Variants in ANKFN1 observed in about 807,000 individuals in gnomAD.
ANKFN1 encodes the protein ankyrin repeat and fibronectin type-III domain-containing protein 1.
In ANKFN1, 74 loss-of-function variants were observed where a neutral mutation model predicts 108.7. The observed-to-expected ratio is 0.68, with a 90% CI of 0.56 to 0.83. The LOEUF is 0.83. ANKFN1 is among the 40% of genes least tolerant of loss of function. The pLI, the probability that ANKFN1 is intolerant of heterozygous loss-of-function variation, is 0.00. For missense variants in ANKFN1, 1,505 were observed against 1,382.3 expected, an observed-to-expected ratio of 1.09 and a Z score of -1.41; for synonymous variants, 547 against 516.2, an observed-to-expected ratio of 1.06 and a Z score of -0.81.
At chr17:56,292,103 T>A (rs1253088547) in intron 3 of ANKFN1, among the ~76,000 whole-genome samples, 2 of 152,226 alleles carry the variant, frequency 1.3e-5, no homozygotes, top group East Asian at 1.9e-4. Flanking sequence ...TGTCTGTTAC[T>A]AAGTAGTGGG....
intron 4 of ANKFN1, among the ~76,000 whole-genome samples, chr17:56,068,302 G>T (rs576274912): frequency 7.2e-4 from 109 of 152,266 alleles, no homozygotes; most frequent in Non-Finnish European, 1.5e-3. Context: ...ATTTACAAAG[G>T]TGTGGGCCGT....
chr17:56,490,871 C>G (rs2051014442), intron 18 of ANKFN1, among the ~76,000 whole-genome samples: 1 of 152,018 alleles, frequency 6.6e-6, no homozygotes, highest in Non-Finnish European at 1.5e-5. Context: ...TTCTTCTCTT[C>G]TACTTCCATG....
intron 1 of ANKFN1, among the ~76,000 whole-genome samples, chr17:56,180,515 A>C (rs573406908): frequency 1.3e-5 from 2 of 152,320 alleles, no homozygotes; most frequent in East Asian, 3.9e-4. Flanking sequence ...GACACTACTG[A>C]AAATCACCAG....
intron 4 of ANKFN1, among the ~76,000 whole-genome samples, chr17:56,130,296 C>T (rs1002036600): frequency 2.0e-5 from 3 of 152,042 alleles, no homozygotes; most frequent in Non-Finnish European, 4.4e-5. Context: ...CTAGTGGCTG[C>T]GATATTAAGT....
intron 3 of ANKFN1, among the ~76,000 whole-genome samples, chr17:56,248,462 G>C (rs1020986061): frequency 1.3e-5 from 2 of 152,150 alleles, no homozygotes; most frequent in African/African-American, 4.8e-5. Context: ...CCAGTTACTT[G>C]ACTATGTTCC....
intron 1 of ANKFN1, among the ~76,000 whole-genome samples, chr17:56,208,316 C>T (rs1360983914): frequency 1.3e-5 from 2 of 152,290 alleles, no homozygotes; most frequent in South Asian, 2.1e-4. Context: ...CCACCATACC[C>T]GGCCGTTAGA....
chr17:56,344,116 A>G (rs149232300), intron 4 of ANKFN1, among the ~76,000 whole-genome samples: 30 of 152,110 alleles, frequency 2.0e-4, no homozygotes, highest in African/African-American at 7.0e-4. Context: ...CGTATGGGAC[A>G]TAGTTTCTGT....
At chr17:56,353,627 C>G (rs1193356443) in intron 5 of ANKFN1, among the ~76,000 whole-genome samples, 2 of 152,166 alleles carry the variant, frequency 1.3e-5, no homozygotes, top group Non-Finnish European at 2.9e-5. Context: ...ATCCTGTATT[C>G]TCTCAGTGCA....
At chr17:56,360,843 A>G (rs2046497250) in intron 6 of ANKFN1, among the ~76,000 whole-genome samples, 1 of 152,222 alleles carries the variant, frequency 6.6e-6, no homozygotes, top group Non-Finnish European at 1.5e-5. Flanking sequence ...AAGGTATATA[A>G]TGTGATGACT....
intron 3 of ANKFN1, among the ~76,000 whole-genome samples, chr17:56,307,688 G>C (rs2044873715): frequency 6.6e-6 from 1 of 152,172 alleles, no homozygotes; most frequent in Non-Finnish European, 1.5e-5. Context: ...CGGGGATCTA[G>C]AACTAGAAAT....
rs369159789 is a variant in ANKFN1 at position 56,170,638 on chromosome 17, C to T, written c.-71+17108C>T. ...ATTAGCCATGCATGGTGGCGCGTGC[C>T]CATAGTCTCAGCCACTTGGGAGGCT... On this transcript the variant is annotated intron_variant, in intron 1 of 20. Transcript: ENST00000682825. Among the ~76,000 whole-genome samples, 85 of 150,922 alleles carry T rather than the reference C, an allele frequency of 5.6e-4. No individual in the cohort carries two copies. The South Asian group carries it at 6.8e-3, about 12-fold the overall frequency.
Position 56,254,380 on chromosome 17 carries a change from T to C in ANKFN1, c.53+26423T>C, listed in dbSNP as rs539833403. ...CACTGTGGTTTTATGCATTGAAAGT[T>C]ACAACAAAGCTGCCCTGTTGACATT... is the stretch of plus-strand genomic sequence containing the variant. On this transcript the variant is annotated intron_variant, in intron 3 of 20. Coordinates refer to ENST00000682825, the MANE Select transcript of ANKFN1 (RefSeq NM_001370326.1). Among the ~76,000 whole-genome samples the C allele has an allele frequency of 5.9e-5, 9 of 152,336 alleles. No homozygotes were observed. In the South Asian group the frequency reaches 1.9e-3, roughly 32 times the overall value.
chr17:56,512,227 T>C lies in ANKFN1; in HGVS notation c.*958T>C, dbSNP rs2051797658. ...AGCTCCAGATTCTTTGGTGATGAAATTGTCATTGAACCAGAAAGTGCCCTG... is the reference window on the plus strand; with the variant it reads ...AGCTCCAGATTCTTTGGTGATGAAACTGTCATTGAACCAGAAAGTGCCCTG... On this transcript the variant is annotated 3_prime_UTR_variant, in exon 21 of 21. Transcript: ENST00000682825. 6.6e-6 allele frequency among the ~76,000 whole-genome samples: 1 copy of C among 152,170 alleles called. No homozygotes were observed. Among genetic ancestry groups the C allele is most frequent in the South Asian group, 2.1e-4 (1 of 4,824 alleles).
At chr17:56,449,003 C>T (rs971124470) in intron 10 of ANKFN1, 76 bp from the exon 11 acceptor site, 11 of 1,285,294 alleles carry the variant, frequency 8.6e-6, no homozygotes, top group African/African-American at 2.9e-5. Flanking sequence ...AGCAAAACTC[C>T]GGCTCCTGAC....
intron 14 of ANKFN1, among the ~76,000 whole-genome samples, chr17:56,461,561 A>C (rs1222959150): frequency 1.3e-5 from 2 of 152,198 alleles, no homozygotes; most frequent in African/African-American, 2.4e-5. Context: ...GTCTCAGCTT[A>C]ACTTTTATAC....
chr17:56,103,484 C>T (rs1462883470), intron 4 of ANKFN1, among the ~76,000 whole-genome samples: 3 of 152,186 alleles, frequency 2.0e-5, no homozygotes, highest in Non-Finnish European at 4.4e-5. Context: ...TGAGCAATGG[C>T]TTCTCCTTGC....
chr17:56,334,535 A>T (rs779507156), intron 4 of ANKFN1, among the ~76,000 whole-genome samples: 2 of 152,088 alleles, frequency 1.3e-5, no homozygotes, highest in Non-Finnish European at 2.9e-5. Context: ...TATTTATTGA[A>T]CACCTATTTT....
chr17:56,444,409 T>G (rs539113457), intron 10 of ANKFN1, among the ~76,000 whole-genome samples: 2 of 152,214 alleles, frequency 1.3e-5, no homozygotes, highest in Non-Finnish European at 1.5e-5. Flanking sequence ...CTTTTAGTTT[T>G]TTTAACTATG....
intron 4 of ANKFN1, among the ~76,000 whole-genome samples, chr17:56,116,788 C>T (rs1906308637): frequency 6.6e-6 from 1 of 152,044 alleles, no homozygotes; most frequent in Non-Finnish European, 1.5e-5. Flanking sequence ...AGACAGAAGG[C>T]AAGTTAAAAC....
Sources: gnomAD v4.1 joint callset for allele counts (sites outside exome capture counted in the v4.1 genomes callset) on GRCh38, gnomAD v4.1.1 for gene constraint, MANE v1.5 for transcripts, NCBI Gene and HGNC (gene_info 2026-07-23, HGNC 2026-07-21) for gene names.